The following RANBP2 variants were observed in gnomAD, a reference collection of about 807,000 sequenced individuals.
RANBP2 encodes RAN binding protein 2, also known as E3 SUMO-protein ligase RanBP2.
In RANBP2, 57 loss-of-function variants were observed where a neutral mutation model predicts 303.6. That is an observed-to-expected ratio of 0.19 (90% CI 0.15 to 0.23). The LOEUF is 0.23. Ranked by LOEUF, RANBP2 falls within the 10% of genes least tolerant of loss-of-function variation. The pLI, the probability that RANBP2 is intolerant of heterozygous loss-of-function variation, is 1.00. For missense variants in RANBP2, 3,138 were observed against 3,780.8 expected, an observed-to-expected ratio of 0.83 and a Z score of 4.46; for synonymous variants, 1,167 against 1,301.5, an observed-to-expected ratio of 0.90 and a Z score of 2.23.
chr2:109,511,783 T>C, the RANBP2 span, among the ~76,000 whole-genome samples: 1 of 152,114 alleles, frequency 6.6e-6, no homozygotes, highest in Admixed American at 6.5e-5. Context: ...TGCATTTTCA[T>C]GGCTGCTGCC....
At chr2:109,086,531 C>T in the RANBP2 span, among the ~76,000 whole-genome samples, 1 of 152,198 alleles carries the variant, frequency 6.6e-6, no homozygotes, top group Admixed American at 6.5e-5. Flanking sequence ...CTCATGGCAA[C>T]CGAGCTGGGC....
the RANBP2 span, among the ~76,000 whole-genome samples, chr2:109,111,653 T>G: frequency 6.6e-6 from 1 of 151,842 alleles, no homozygotes; most frequent in East Asian, 1.9e-4. Flanking sequence ...TTATTATACT[T>G]TAAGTTTTAG....
chr2:109,345,689 AAAAT>A, the RANBP2 span, among the ~76,000 whole-genome samples: 1 of 152,224 alleles, frequency 6.6e-6, no homozygotes, highest in South Asian at 2.1e-4. Flanking sequence ...TCCCCTCATG[AAAAT>A]AAATGTTATA....
chr2:109,766,361 A>G, the RANBP2 span, among the ~76,000 whole-genome samples: 3 of 150,514 alleles, frequency 2.0e-5, 1 homozygote, highest in East Asian at 6.2e-4. Flanking sequence ...TGTTTTGGAG[A>G]AAGCTGGGTG....
At chr2:109,086,439 A>G in the RANBP2 span, among the ~76,000 whole-genome samples, 1 of 152,094 alleles carries the variant, frequency 6.6e-6, no homozygotes, top group African/African-American at 2.4e-5. Context: ...AAGCCCAAGG[A>G]TTGGTGGGGG....
At chr2:109,493,009 C>T in the RANBP2 span, among the ~76,000 whole-genome samples, 1 of 152,210 alleles carries the variant, frequency 6.6e-6, no homozygotes, top group African/African-American at 2.4e-5. Flanking sequence ...TGCAAACATA[C>T]ACTCACCACA....
the RANBP2 span, among the ~76,000 whole-genome samples, chr2:109,395,923 G>A: frequency 6.6e-6 from 1 of 152,196 alleles, no homozygotes; most frequent in Non-Finnish European, 1.5e-5. Flanking sequence ...GTCACAGGAG[G>A]ACTAAGTGAA....
chr2:108,732,474 T>A (rs1178896910), intron 4 of RANBP2, among the ~76,000 whole-genome samples: 1 of 152,166 alleles, frequency 6.6e-6, no homozygotes, highest in East Asian at 1.9e-4. Flanking sequence ...TCTGAAAAAA[T>A]TCAAAATCTG....
At chr2:108,721,188 G>A (rs1382076572) in intron 1 of RANBP2, among the ~76,000 whole-genome samples, 1 of 152,200 alleles carries the variant, frequency 6.6e-6, no homozygotes, top group African/African-American at 2.4e-5. Flanking sequence ...ATTGAGACCT[G>A]TAGAGATTTA....
chr2:109,426,606 A>C, the RANBP2 span, among the ~76,000 whole-genome samples: 1 of 152,222 alleles, frequency 6.6e-6, no homozygotes, highest in Non-Finnish European at 1.5e-5. Flanking sequence ...CCTCCTGGTG[A>C]AGATGGTGGG....
At chr2:109,544,859 G>A in the RANBP2 span, 1 of 820,266 alleles carries the variant, frequency 1.2e-6, no homozygotes, top group Non-Finnish European at 1.5e-6. Flanking sequence ...CAATGAACAA[G>A]ATAAAGATCC....
At chr2:109,686,800 A>T in the RANBP2 span, among the ~76,000 whole-genome samples, 1 of 152,092 alleles carries the variant, frequency 6.6e-6, no homozygotes, top group East Asian at 1.9e-4. Context: ...TTTTGTAGAG[A>T]TGGGGTTTCA....
downstream of RANBP2, chr2:108,787,011 T>C: frequency 1.3e-6 from 1 of 768,254 alleles, no homozygotes; most frequent in South Asian, 4.6e-5. Context: ...GCGCAGCGGC[T>C]CTGGTCCCGG....
the RANBP2 span, among the ~76,000 whole-genome samples, chr2:109,404,989 C>T: frequency 4.0e-5 from 6 of 151,752 alleles, 1 homozygote; most frequent in Admixed American, 3.9e-4. Context: ...CTTTCTAACC[C>T]CTATGTCTAC....
At chr2:108,982,206 A>C in the RANBP2 span, among the ~76,000 whole-genome samples, 1 of 152,240 alleles carries the variant, frequency 6.6e-6, no homozygotes, top group Non-Finnish European at 1.5e-5. Context: ...CAGCAAATGC[A>C]GTGGCCTCTC....
At chr2:109,332,441 CG>C in the RANBP2 span, among the ~76,000 whole-genome samples, 6 of 152,188 alleles carry the variant, frequency 3.9e-5, no homozygotes, top group Non-Finnish European at 7.3e-5. Flanking sequence ...TCTTCCTGGA[CG>C]GGCTTGGGGC....
At chr2:109,240,844 C>A in the RANBP2 span, among the ~76,000 whole-genome samples, 1 of 150,756 alleles carries the variant, frequency 6.6e-6, no homozygotes, top group Non-Finnish European at 1.5e-5. Context: ...CCTGACACCC[C>A]CACCCCCACC....
chr2:109,582,108 A>T, the RANBP2 span, among the ~76,000 whole-genome samples: 4 of 143,086 alleles, frequency 2.8e-5, no homozygotes, highest in African/African-American at 8.0e-5. Flanking sequence ...ACACACACAC[A>T]CACACTCACT....
chr2:108,758,328 T>G (rs1676474493), intron 17 of RANBP2, 85 bp from the exon 18 acceptor site: 2 of 1,563,254 alleles, frequency 1.3e-6, no homozygotes, highest in Admixed American at 3.9e-5. Flanking sequence ...TTATTTAAAT[T>G]TAAAAGAGTA....
Sources: gnomAD v4.1 joint callset for allele counts (sites outside exome capture counted in the v4.1 genomes callset) on GRCh38, gnomAD v4.1.1 for gene constraint, MANE v1.5 for transcripts, NCBI Gene and HGNC (gene_info 2026-07-23, HGNC 2026-07-21) for gene names.